Variants in DNA2 observed in about 807,000 individuals in gnomAD.
DNA2 encodes DNA replication ATP-dependent helicase/nuclease DNA2.
Under a neutral mutation model 119.1 loss-of-function variants are expected in DNA2, and 101 were observed. That is an observed-to-expected ratio of 0.85 (90% CI 0.72 to 1.00). The LOEUF is 1.00. Ranked by LOEUF, DNA2 falls within the 50% of genes least tolerant of loss-of-function variation. The pLI is 0.00. For missense variants in DNA2, 1,121 were observed against 1,255.5 expected (o/e 0.89, Z 1.62); for synonymous variants, 366 against 424.4 (o/e 0.86, Z 1.69).
chr10:68,435,076 G>T (rs2051870223), intron 10 of DNA2, among the ~76,000 whole-genome samples: 1 of 151,914 alleles, frequency 6.6e-6, no homozygotes, highest in Non-Finnish European at 1.5e-5. Flanking sequence ...TTAAGACAGG[G>T]TCTCACTCTG....
chr10:68,452,042 G>T (rs2052125726), intron 5 of DNA2, among the ~76,000 whole-genome samples: 1 of 151,976 alleles, frequency 6.6e-6, no homozygotes, highest in African/African-American at 2.4e-5. Context: ...GAAGAAGACA[G>T]TAGTGCAATT....
At chr10:68,461,241 AAT>A (rs2052253900) in intron 4 of DNA2, among the ~76,000 whole-genome samples, 1 of 152,240 alleles carries the variant, frequency 6.6e-6, no homozygotes, top group Non-Finnish European at 1.5e-5. Flanking sequence ...ATGTCGTAAC[AAT>A]ATGAATACAT....
intron 17 of DNA2, among the ~76,000 whole-genome samples, chr10:68,422,013 C>A (rs1423680635): frequency 6.6e-6 from 1 of 152,026 alleles, no homozygotes; most frequent in Non-Finnish European, 1.5e-5. Context: ...CAGGGTTTCA[C>A]CATGTTGGCC....
At chr10:68,460,801 C>T (rs532628054) in intron 4 of DNA2, among the ~76,000 whole-genome samples, 9 of 152,008 alleles carry the variant, frequency 5.9e-5, no homozygotes, top group African/African-American at 2.2e-4. Flanking sequence ...GTCCCAGCTA[C>T]TCAGCAGGCT....
chr10:68,432,183 CA>C, intron 12 of DNA2, 22 bp downstream of exon 12: 2 of 1,457,450 alleles, frequency 1.4e-6, no homozygotes, highest in Non-Finnish European at 1.9e-6. Context: ...TTAATCAAAG[CA>C]GACATGGTGA....
intron 3 of DNA2, among the ~76,000 whole-genome samples, chr10:68,467,361 G>C (rs891935538): frequency 6.6e-6 from 1 of 151,832 alleles, no homozygotes; most frequent in African/African-American, 2.4e-5. Context: ...TGCTCACCTC[G>C]GCCTCTCAAA....
At chr10:68,460,349 T>TC (rs964196155) in intron 4 of DNA2, among the ~76,000 whole-genome samples, 8 of 151,926 alleles carry the variant, frequency 5.3e-5, no homozygotes, top group African/African-American at 1.9e-4. Flanking sequence ...GCTCAAGCAA[T>TC]CTGCCCACCT....
At chr10:68,459,338 A>G (rs764365455) in intron 4 of DNA2, 103 bp from the exon 5 acceptor site, 1 of 1,214,042 alleles carries the variant, frequency 8.2e-7, no homozygotes, top group Non-Finnish European at 1.1e-6. Context: ...AAACGAGGAC[A>G]AAAAAATACA....
Position 68,470,115 on chromosome 10 carries a change from T to A in DNA2, c.123A>T (p.Thr41=), listed in dbSNP as rs781308142. Residue 41 remains threonine, a synonymous_variant, in exon 2 of 21, where the codon ACA becomes ACT. Transcript: ENST00000358410. ...VASFPRTVLS[T]GMDNRYLVLA... ...ACACCAGGTACCGGTTATCCATTCC[T>A]GTGCTCAGAACTGTTCTTGGAAAGG... The A allele has an allele frequency of 4.7e-5, 76 of 1,612,908 alleles. No homozygotes were observed. The highest frequency in any genetic ancestry group is 6.3e-5 in the Non-Finnish European group (74 of 1,179,720).
rs59391479 is a variant in DNA2, at chr10:68,449,825, ATCGCTTGAACCCGAGAG to A, written c.939+186_939+202del. 0.089 allele frequency among the ~76,000 whole-genome samples: 13,464 copies of A among 151,928 alleles called. 904 individuals carry two copies. The highest frequency in any genetic ancestry group is 0.24 in the South Asian group (1,141 of 4,812). On this transcript the variant is annotated intron_variant, in intron 6 of 20. Transcript: ENST00000358410. ...CTACTCAGGAGGCTGAGGCAGGAGA[ATCGCTTGAACCCGAGAG>A]GCAGAGATTACAATGAGCTGAGATC...
intron 14 of DNA2, chr10:68,424,599 A>G (rs2051711656): frequency 1.5e-6 from 2 of 1,338,428 alleles, no homozygotes; most frequent in Admixed American, 3.4e-5. Context: ...CCGCAGCAAA[A>G]ACCGCAAACG....
At chr10:68,446,908 AAG>A (rs554198759) in intron 6 of DNA2, among the ~76,000 whole-genome samples, 243 of 152,244 alleles carry the variant, frequency 1.6e-3, no homozygotes, top group African/African-American at 5.6e-3. Context: ...AACAAAAAAA[AAG>A]AGTAATGAAT....
intron 4 of DNA2, among the ~76,000 whole-genome samples, chr10:68,460,765 G>A (rs2052247239): frequency 1.3e-5 from 2 of 151,944 alleles, no homozygotes; most frequent in Admixed American, 6.6e-5. Context: ...TCCAAATAAC[G>A]CCAAGCATGG....
intron 3 of DNA2, among the ~76,000 whole-genome samples, chr10:68,466,724 G>A (rs1381030073): frequency 1.3e-5 from 2 of 151,716 alleles, no homozygotes; most frequent in Admixed American, 6.6e-5. Context: ...GACTACAGGC[G>A]CCCGCCACCA....
intron 5 of DNA2, among the ~76,000 whole-genome samples, chr10:68,455,237 C>T (rs188685853): frequency 4.4e-4 from 67 of 151,864 alleles, no homozygotes; most frequent in African/African-American, 1.6e-3. Context: ...CACGCCAGGC[C>T]GATAAAATTA....
At chr10:68,424,579 T>C (rs1414496133) in intron 14 of DNA2, 1 of 1,042,582 alleles carries the variant, frequency 9.6e-7, no homozygotes, top group Non-Finnish European at 1.5e-6. Flanking sequence ...AATCCCTTCG[T>C]GAACTTGGAC....
intron 14 of DNA2, among the ~76,000 whole-genome samples, chr10:68,423,790 C>A (rs1385251164): frequency 6.6e-6 from 1 of 152,158 alleles, no homozygotes; most frequent in African/African-American, 2.4e-5. Flanking sequence ...CCAAGTGGGC[C>A]CAGCGGTAAC....
At chr10:68,440,945 C>A (rs2051959304) in intron 9 of DNA2, among the ~76,000 whole-genome samples, 1 of 152,080 alleles carries the variant, frequency 6.6e-6, no homozygotes, top group Admixed American at 6.6e-5. Context: ...CTTTGGGAGG[C>A]CAAAGTGGGA....
At chr10:68,462,659 A>G (rs10823206) in intron 4 of DNA2, among the ~76,000 whole-genome samples, 22,838 of 152,100 alleles carry the variant, frequency 0.15, 1,881 homozygotes, top group East Asian at 0.26. Flanking sequence ...TGTATATAAA[A>G]TCACACCTAG....
Sources: gnomAD v4.1 joint callset for allele counts (sites outside exome capture counted in the v4.1 genomes callset) on GRCh38, gnomAD v4.1.1 for gene constraint, MANE v1.5 for transcripts, NCBI Gene and HGNC (gene_info 2026-07-23, HGNC 2026-07-21) for gene names.